PIK3CB: variants seen among roughly 807,000 people sequenced by gnomAD.
PIK3CB encodes phosphatidylinositol-4,5-bisphosphate 3-kinase catalytic subunit beta.
Under a neutral mutation model 136.8 loss-of-function variants are expected in PIK3CB, and 39 were observed. That is an observed-to-expected ratio of 0.29 (90% CI 0.22 to 0.37). The LOEUF (loss-of-function observed/expected upper bound fraction) is 0.37, where lower values mean the gene tolerates loss of function less well. Ranked by LOEUF, PIK3CB falls within the 10% of genes least tolerant of loss-of-function variation. The pLI, the probability that PIK3CB is intolerant of heterozygous loss-of-function variation, is 1.00. For synonymous variants in PIK3CB, 428 were observed against 436.6 expected, an observed-to-expected ratio of 0.98 and a Z score of 0.25; for missense variants, 868 against 1,275.4, an observed-to-expected ratio of 0.68 and a Z score of 4.87.
At chr3:138,785,217 G>T (rs1045784224) in intron 2 of PIK3CB, among the ~76,000 whole-genome samples, 3 of 149,714 alleles carry the variant, frequency 2.0e-5, no homozygotes, top group Non-Finnish European at 3.0e-5. Flanking sequence ...CCGGCCAGCC[G>T]CCCTGTCCCG....
At chr3:138,812,200 G>A (rs910873194) in intron 1 of PIK3CB, among the ~76,000 whole-genome samples, 1 of 151,522 alleles carries the variant, frequency 6.6e-6, no homozygotes, top group African/African-American at 2.4e-5. Context: ...GAAAGGGTGG[G>A]AGGGAGGTGA....
chr3:138,748,017 T>C (rs564098238), intron 4 of PIK3CB, among the ~76,000 whole-genome samples: 1 of 152,260 alleles, frequency 6.6e-6, no homozygotes, highest in East Asian at 1.9e-4. Context: ...ACCTATCAGG[T>C]TGGCACATAT....
chr3:138,673,694 C>T (rs538465847), intron 19 of PIK3CB, among the ~76,000 whole-genome samples: 2 of 152,008 alleles, frequency 1.3e-5, no homozygotes, highest in African/African-American at 2.4e-5. Flanking sequence ...CACACACACA[C>T]GTACACACAC....
At chr3:138,676,200 C>T (rs1315328036) in intron 19 of PIK3CB, among the ~76,000 whole-genome samples, 1 of 152,088 alleles carries the variant, frequency 6.6e-6, no homozygotes, top group Non-Finnish European at 1.5e-5. Context: ...AAATAACCAA[C>T]AAGCACATGA....
At chr3:138,700,968 T>C (rs1040306997) in intron 12 of PIK3CB, among the ~76,000 whole-genome samples, 2 of 152,028 alleles carry the variant, frequency 1.3e-5, no homozygotes, top group African/African-American at 2.4e-5. Context: ...AACTTTATAC[T>C]AGAAAAACCT....
At chr3:138,793,963 T>C (rs1354009997) in intron 2 of PIK3CB, among the ~76,000 whole-genome samples, 1 of 152,044 alleles carries the variant, frequency 6.6e-6, no homozygotes, top group Non-Finnish European at 1.5e-5. Context: ...TGTTTGTTTT[T>C]TGTTTTGTTT....
At chr3:138,757,036 C>A (rs1472553711) in intron 3 of PIK3CB, among the ~76,000 whole-genome samples, 1 of 151,942 alleles carries the variant, frequency 6.6e-6, no homozygotes, top group Non-Finnish European at 1.5e-5. Flanking sequence ...AGATAATTCT[C>A]CAAAAAACAT....
Position 138,683,705 on chromosome 3 carries a change from C to T in PIK3CB, c.2398G>A (p.Val800Ile), listed in dbSNP as rs779451870. 5 of 1,585,458 alleles carry T rather than the reference C, an allele frequency of 3.2e-6. No homozygotes were observed. The South Asian group carries it at 5.5e-5, about 18-fold the overall frequency. Residue 800 changes from valine (V) to isoleucine (I), a missense_variant, in exon 18 of 24, where the codon GTT becomes ATT. This residue lies in a region of PIK3CB where 165 missense variants were observed against 295.4 expected (regional missense o/e 0.56). Coordinates refer to ENST00000674063, the MANE Select transcript of PIK3CB (RefSeq NM_006219.3). ...TCACCATTTTTAAAAATCACTCCAA[C>T]TGAATCCTCACCAAATACCTTGTTA... ...YNNKVFGEDSVGVIFKNGDDL... is the reference protein window; with the variant it reads ...YNNKVFGEDSIGVIFKNGDDL...
At chr3:138,713,696 C>G (rs1262734271) in intron 9 of PIK3CB, among the ~76,000 whole-genome samples, 1 of 151,842 alleles carries the variant, frequency 6.6e-6, no homozygotes, top group Admixed American at 6.6e-5. Context: ...TAAAATAACA[C>G]AAATTAATAT....
intron 19 of PIK3CB, among the ~76,000 whole-genome samples, chr3:138,667,396 G>A (rs2043435380): frequency 6.6e-6 from 1 of 151,838 alleles, no homozygotes; most frequent in Non-Finnish European, 1.5e-5. Context: ...GCTTCCGAAG[G>A]ACTTTATGAG....
intron 2 of PIK3CB, among the ~76,000 whole-genome samples, chr3:138,760,960 A>G (rs1027107637): frequency 6.6e-6 from 1 of 152,232 alleles, no homozygotes; most frequent in Non-Finnish European, 1.5e-5. Context: ...TAATAAATGG[A>G]AAAAGAATAA....
intron 2 of PIK3CB, among the ~76,000 whole-genome samples, chr3:138,787,848 G>A (rs2045998998): frequency 6.6e-6 from 1 of 151,144 alleles, no homozygotes; most frequent in South Asian, 2.1e-4. Flanking sequence ...TTATGGCAAA[G>A]CATACTTAAG....
chr3:138,781,152 C>T (rs2045918431), intron 2 of PIK3CB, among the ~76,000 whole-genome samples: 1 of 151,988 alleles, frequency 6.6e-6, no homozygotes, highest in Admixed American at 6.6e-5. Context: ...ATTAGCCAGG[C>T]ATGGTGGTGC....
rs113027527 is a variant in PIK3CB, at chr3:138,790,450, T to TAA, written c.-17+6011_-17+6012dup. 1.0e-4 allele frequency among the ~76,000 whole-genome samples: 14 copies of TAA among 134,554 alleles called. No individual in the cohort carries two copies. The South Asian group carries it at 2.6e-3, about 25-fold the overall frequency. 88.3% of individuals were successfully genotyped at this position (134,554 alleles called of 152,430 possible). On this transcript the variant is annotated intron_variant, in intron 2 of 23. Coordinates refer to ENST00000674063, the MANE Select transcript of PIK3CB (RefSeq NM_006219.3). ...AAACAGGGCAAAACCCTGTCCTCAT[T>TAA]AAAAAAAAAAAAAAGCAAAATGATA...
chr3:138,750,421 C>T (rs2045447473), intron 4 of PIK3CB, among the ~76,000 whole-genome samples: 1 of 152,116 alleles, frequency 6.6e-6, no homozygotes, highest in Admixed American at 6.6e-5. Context: ...ATTAGATTCT[C>T]GCTCATTAGG....
In PIK3CB at chr3:138,716,941, CTG is replaced by C. The variant is rs1439643900; in HGVS notation, c.1051-2224_1051-2223del. Reference sequence around the variant, plus strand: ...AAAAAAAGCATGTTCACCTTGTAAACTGTGTGAAGAATACAAATAAAAGTAGT... The same window carrying C: ...AAAAAAAGCATGTTCACCTTGTAAACTGTGAAGAATACAAATAAAAGTAGT... On this transcript the variant is annotated intron_variant, in intron 8 of 23. Transcript: ENST00000674063. Among the ~76,000 whole-genome samples, 4 of 100,648 alleles carry C rather than the reference CTG, an allele frequency of 4.0e-5. No homozygotes were observed. The South Asian group carries it at 1.5e-3, about 38-fold the overall frequency. The allele number at this position is 100,648 out of a possible 152,430, so 66.0% of individuals were successfully genotyped here.
chr3:138,701,653 C>T (rs1482939293), intron 12 of PIK3CB, among the ~76,000 whole-genome samples: 2 of 151,574 alleles, frequency 1.3e-5, no homozygotes, highest in Admixed American at 6.6e-5. Flanking sequence ...GGCATGGTGG[C>T]GCATGCCTGT....
At position 138,734,822 on chromosome 3, in the gene PIK3CB, G is replaced by T. The variant is rs1231221174; in HGVS notation, c.802-18C>A. The T allele has an allele frequency of 6.4e-7, 1 of 1,554,734 alleles. No homozygotes were observed. ...CGGATATACTATAGGGGCAAGAAAG[G>T]GGAAGGTATTGATTTTCATGCCAAC... On this transcript the variant is annotated intron_variant, in intron 6 of 23. Transcript: ENST00000674063.
chr3:138,759,124 C>T lies in PIK3CB; in HGVS notation c.171+49G>A, dbSNP rs374052425. 156 of 1,113,634 alleles carry T rather than the reference C, an allele frequency of 1.4e-4. 3 individuals carry two copies. In the South Asian group the frequency reaches 2.6e-3, roughly 19 times the overall value. 69.0% of individuals were successfully genotyped at this position (1,113,634 alleles called of 1,614,324 possible). ...TTCTATTATAGAATGATATTTCCCC[C>T]AAGTGACACAGTATGCTAAACACAT... On this transcript the variant is annotated intron_variant, in intron 3 of 23. Coordinates refer to ENST00000674063, the MANE Select transcript of PIK3CB (RefSeq NM_006219.3).
Sources: allele counts gnomAD v4.1 joint callset (sites outside exome capture counted in the v4.1 genomes callset), GRCh38; gene constraint gnomAD v4.1.1; regional missense constraint gnomAD v4.1.1; transcripts MANE v1.5; gene names NCBI Gene and HGNC (gene_info 2026-07-23, HGNC 2026-07-21).